Variants in COL24A1 observed in about 807,000 individuals in gnomAD.
COL24A1 encodes the protein collagen alpha-1(XXIV) chain.
A neutral mutation model predicts 253.9 loss-of-function variants in COL24A1; 224 were observed. The observed-to-expected ratio is 0.88, with a 90% confidence interval of 0.79 to 0.99. The LOEUF (loss-of-function observed/expected upper bound fraction) is 0.99. COL24A1 is among the 50% of genes least tolerant of loss of function. COL24A1 has a pLI of 0.00. For missense variants in COL24A1, 2,131 were observed against 2,068.5 expected (o/e 1.03, Z -0.59); for synonymous variants, 685 against 673.7 (o/e 1.02, Z -0.26).
intron 5 of COL24A1, among the ~76,000 whole-genome samples, chr1:86,098,209 A>G (rs1263259647): frequency 6.6e-6 from 1 of 152,118 alleles, no homozygotes; most frequent in Non-Finnish European, 1.5e-5. Context: ...CCTTTTACTA[A>G]TGGTGTCAGA....
rs1219694848 is a variant in COL24A1 at position 86,125,559 on chromosome 1, G to A, written c.777C>T (p.Leu259=). The change falls in exon 3 of 60, where the codon CTC becomes CTT. Residue 259 remains leucine, a synonymous_variant. Coordinates refer to ENST00000370571, the MANE Select transcript of COL24A1 (RefSeq NM_152890.7). The part of the protein sequence containing the change: ...QPETSIPCTT[L]IPTKIPEHSP... ...AGTGTTCCGGTATCTTTGTTGGTATGAGAGTTGTACAAGGAATGCTTGTTT... is the reference window on the plus strand; with the variant it reads ...AGTGTTCCGGTATCTTTGTTGGTATAAGAGTTGTACAAGGAATGCTTGTTT... 1.2e-6 allele frequency: 2 copies of A among 1,613,602 alleles called. No individual in the cohort carries two copies. Among genetic ancestry groups the A allele is most frequent in the Middle Eastern group, 1.7e-4 (1 of 6,054 alleles).
At chr1:86,152,558 G>A (rs12074275) in intron 1 of COL24A1, among the ~76,000 whole-genome samples, 12,750 of 152,134 alleles carry the variant, frequency 0.084, 625 homozygotes, top group East Asian at 0.22. Flanking sequence ...TCTGGTCTCA[G>A]GCATTTTAGA....
rs368315060 is a variant in COL24A1, at chr1:85,841,249, T to C, written c.3600A>G (p.Leu1200=). The C allele has an allele frequency of 9.7e-5, 155 of 1,604,526 alleles. No individual in the cohort carries two copies. Among genetic ancestry groups the C allele is most frequent in the Middle Eastern group, 3.3e-4 (2 of 6,044 alleles). Residue 1200 remains leucine (L), a synonymous_variant, in exon 42 of 60, where the codon CTA becomes CTG. Transcript: ENST00000370571. ...KGYPGEDSTV[L]GPPGPRGEPG... ...GTTCACCTCGAGGCCCAGGTGGTCC[T>C]AGGACTGTGCTATCTTCTCCTGGGT...
intron 19 of COL24A1, among the ~76,000 whole-genome samples, chr1:86,008,039 G>A (rs560104484): frequency 2.0e-5 from 3 of 152,022 alleles, no homozygotes; most frequent in African/African-American, 7.2e-5. Flanking sequence ...GAGGATAATA[G>A]GATCACTACA....
intron 47 of COL24A1, among the ~76,000 whole-genome samples, chr1:85,802,916 A>T: frequency 6.6e-6 from 1 of 152,236 alleles, no homozygotes; most frequent in East Asian, 1.9e-4. Context: ...TTTCACTGAG[A>T]CTAATATTTC....
chr1:85,763,335 T>C (rs887385489), intron 53 of COL24A1, among the ~76,000 whole-genome samples: 5 of 151,824 alleles, frequency 3.3e-5, no homozygotes, highest in African/African-American at 1.2e-4. Flanking sequence ...CAAGAATTGC[T>C]TGAACCCGGG....
chr1:85,837,402 T>G (rs923540134), intron 43 of COL24A1, among the ~76,000 whole-genome samples: 4 of 152,242 alleles, frequency 2.6e-5, no homozygotes, highest in African/African-American at 9.6e-5. Flanking sequence ...ATGATAGTTA[T>G]CTATCTATCA....
intron 19 of COL24A1, among the ~76,000 whole-genome samples, chr1:85,997,055 G>GTGTATATA: frequency 1.1e-3 from 104 of 95,112 alleles, no homozygotes; most frequent in African/African-American, 2.4e-3. Context: ...GTGTGTGTGT[G>GTGTATATA]TATATATATA....
chr1:86,107,499 C>T (rs1453454235), intron 5 of COL24A1, among the ~76,000 whole-genome samples: 2 of 150,848 alleles, frequency 1.3e-5, no homozygotes, highest in Non-Finnish European at 1.5e-5. Flanking sequence ...ACATTTGTGA[C>T]ACAATGGTAA....
intron 51 of COL24A1, 36 bp from the exon 52 acceptor site, chr1:85,781,309 T>A: frequency 6.8e-7 from 1 of 1,466,528 alleles, no homozygotes; most frequent in Admixed American, 2.2e-5. Flanking sequence ...TCACTGTTAG[T>A]ATAATTAAAA....
chr1:86,083,294 T>C (rs1702807397), intron 7 of COL24A1, among the ~76,000 whole-genome samples: 1 of 146,904 alleles, frequency 6.8e-6, no homozygotes, highest in Non-Finnish European at 1.5e-5. Flanking sequence ...CGAGGCTCCG[T>C]CTCAAAAAAA....
intron 5 of COL24A1, among the ~76,000 whole-genome samples, chr1:86,100,858 C>G (rs1704386263): frequency 6.6e-6 from 1 of 152,092 alleles, no homozygotes; most frequent in Non-Finnish European, 1.5e-5. Context: ...TCCACACTCC[C>G]CATCCCCAAT....
chr1:85,923,272 G>T (rs1285155061), intron 24 of COL24A1, among the ~76,000 whole-genome samples: 1 of 152,090 alleles, frequency 6.6e-6, no homozygotes, highest in African/African-American at 2.4e-5. Context: ...AAGACAGAAG[G>T]TTAAAAAGGA....
intron 24 of COL24A1, among the ~76,000 whole-genome samples, chr1:85,954,959 T>C (rs908655228): frequency 6.6e-6 from 1 of 152,126 alleles, no homozygotes; most frequent in African/African-American, 2.4e-5. Flanking sequence ...TTTAGGTAGG[T>C]CCCACTAAAA....
intron 20 of COL24A1, among the ~76,000 whole-genome samples, chr1:85,977,965 C>T (rs1012128756): frequency 6.6e-6 from 1 of 152,078 alleles, no homozygotes; most frequent in African/African-American, 2.4e-5. Flanking sequence ...AAGAATCATA[C>T]GAGCTGTGAG....
At chr1:86,155,987 G>GGAGGGCGC (rs1413707053) in intron 1 of COL24A1, 2 of 223,118 alleles carry the variant, frequency 9.0e-6, no homozygotes, top group East Asian at 1.0e-4. Context: ...GAGAAGGGGA[G>GGAGGGCGC]GAGGGCGCGA....
intron 31 of COL24A1, among the ~76,000 whole-genome samples, chr1:85,892,639 A>G (rs1290545473): frequency 6.6e-6 from 1 of 152,098 alleles, no homozygotes; most frequent in African/African-American, 2.4e-5. Flanking sequence ...TTTTATTTAT[A>G]TTAAAGCAAA....
chr1:85,745,639 T>C (rs758681382), intron 55 of COL24A1, 133 bp from the exon 56 acceptor site: 50 of 577,822 alleles, frequency 8.7e-5, no homozygotes, highest in Non-Finnish European at 1.4e-4. Flanking sequence ...CTGTAACTCT[T>C]ACGGTTAGAC....
chr1:85,744,076 A>G (rs2100925744), intron 57 of COL24A1, among the ~76,000 whole-genome samples: 1 of 152,210 alleles, frequency 6.6e-6, no homozygotes, highest in Admixed American at 6.5e-5. Context: ...GTAGCAGACA[A>G]GGTTTCCCCT....
Sources: gnomAD v4.1 joint callset for allele counts (sites outside exome capture counted in the v4.1 genomes callset) on GRCh38, gnomAD v4.1.1 for gene constraint, MANE v1.5 for transcripts, NCBI Gene and HGNC (gene_info 2026-07-23, HGNC 2026-07-21) for gene names.